Variants in FSHR observed in about 807,000 individuals in gnomAD.
FSHR encodes follicle stimulating hormone receptor.
FSHR carries 46 observed loss-of-function variants against 52.1 expected under a neutral mutation model. The ratio of observed to expected loss-of-function variants is 0.88; its 90% CI spans 0.70 to 1.13. The LOEUF is 1.13. FSHR is among the 50% of genes most tolerant of loss of function. The pLI is 0.00. For missense variants in FSHR, 964 were observed against 834.6 expected, an observed-to-expected ratio of 1.16 and a Z score of -1.91; for synonymous variants, 399 against 309.6, an observed-to-expected ratio of 1.29 and a Z score of -3.03.
intron 2 of FSHR, among the ~76,000 whole-genome samples, chr2:49,025,618 T>C (rs942631837): frequency 6.6e-5 from 10 of 152,164 alleles, no homozygotes; most frequent in African/African-American, 2.4e-4. Context: ...GAAAATTTCA[T>C]AAAACTCTCT....
At chr2:49,133,179 T>A (rs934090611) in intron 1 of FSHR, among the ~76,000 whole-genome samples, 3 of 152,120 alleles carry the variant, frequency 2.0e-5, no homozygotes, top group African/African-American at 7.2e-5. Context: ...TTATCCCAGC[T>A]GCCCGTTGCT....
intron 4 of FSHR, among the ~76,000 whole-genome samples, chr2:49,005,244 A>G (rs966884419): frequency 6.6e-6 from 1 of 152,146 alleles, no homozygotes; most frequent in Admixed American, 6.5e-5. Flanking sequence ...TTTACAATCA[A>G]GAGGTGGTCC....
chr2:49,128,861 A>G (rs553559720), intron 1 of FSHR, among the ~76,000 whole-genome samples: 2 of 152,270 alleles, frequency 1.3e-5, no homozygotes, highest in East Asian at 3.9e-4. Flanking sequence ...AATAGAACTG[A>G]TATCAGAAGA....
intron 8 of FSHR, among the ~76,000 whole-genome samples, chr2:48,974,828 C>T (rs1201348700): frequency 6.6e-6 from 1 of 152,110 alleles, no homozygotes; most frequent in Non-Finnish European, 1.5e-5. Flanking sequence ...AGTATATTCC[C>T]TTTTTTGCTC....
At chr2:49,142,261 C>T (rs1003127581) in intron 1 of FSHR, among the ~76,000 whole-genome samples, 2 of 152,058 alleles carry the variant, frequency 1.3e-5, no homozygotes, top group African/African-American at 4.8e-5. Flanking sequence ...AGTTTATGTG[C>T]TATTATAGTG....
Position 49,017,469 on chromosome 2 carries a change from C to A in FSHR, c.374+20G>T, listed in dbSNP as rs554447061. 21 of 1,588,126 alleles carry A rather than the reference C, an allele frequency of 1.3e-5. No individual in the cohort carries two copies. The highest frequency in any genetic ancestry group is 1.0e-4 in the Admixed American group (6 of 59,860). On this transcript the variant is annotated intron_variant, in intron 4 of 9. Coordinates refer to ENST00000406846, the MANE Select transcript of FSHR (RefSeq NM_000145.4). Reference sequence around the variant, plus strand: ...CACTATTTAATCATAGTGGGGGTACCAAACTACATGAGTTCTTACAGATAT... The same window carrying A: ...CACTATTTAATCATAGTGGGGGTACAAAACTACATGAGTTCTTACAGATAT...
At chr2:49,059,476 G>GTATCTA (rs1288307992) in intron 2 of FSHR, 13 of 151,934 alleles carry the variant, frequency 8.6e-5, no homozygotes, top group Non-Finnish European at 7.4e-5. Context: ...ATTAATGCAC[G>GTATCTA]TATCTATAGC....
Position 49,006,798 on chromosome 2 carries a change from T to A in FSHR, c.374+10691A>T, listed in dbSNP as rs367887734. 2.8e-4 allele frequency among the ~76,000 whole-genome samples: 42 copies of A among 152,258 alleles called. No homozygotes were observed. In the South Asian group the frequency reaches 8.5e-3, roughly 31 times the overall value. Reference sequence around the variant, plus strand: ...TTGAAGTGAGAGCTGTCCATCGATATCTCCTATATCTCACACAAGCCATCC... The same window carrying A: ...TTGAAGTGAGAGCTGTCCATCGATAACTCCTATATCTCACACAAGCCATCC... On this transcript the variant is annotated intron_variant, in intron 4 of 9. Transcript: ENST00000406846.
intron 1 of FSHR, among the ~76,000 whole-genome samples, chr2:49,134,808 C>T (rs968944118): frequency 6.6e-6 from 1 of 152,138 alleles, no homozygotes; most frequent in East Asian, 1.9e-4. Context: ...AGTAAACTAT[C>T]GCAAGAACAA....
chr2:49,067,530 C>T (rs761266014), intron 2 of FSHR, among the ~76,000 whole-genome samples: 1 of 152,022 alleles, frequency 6.6e-6, no homozygotes, highest in Non-Finnish European at 1.5e-5. Flanking sequence ...GAACATATTT[C>T]CCTGGCCCTG....
chr2:48,990,771 G>T (rs1029217213), intron 4 of FSHR, 134 bp from the exon 5 acceptor site: 24 of 696,158 alleles, frequency 3.4e-5, no homozygotes, highest in Non-Finnish European at 6.2e-5. Context: ...CCGTATATAC[G>T]TGAATTAGGC....
At chr2:49,123,348 A>G (rs1671885416) in intron 1 of FSHR, among the ~76,000 whole-genome samples, 2 of 152,108 alleles carry the variant, frequency 1.3e-5, no homozygotes, top group Admixed American at 6.5e-5. Context: ...TTAGCCAGGC[A>G]CGGTGGCTCA....
intron 2 of FSHR, 27 bp downstream of exon 2, chr2:49,068,192 T>A (rs760757145): frequency 1.3e-6 from 2 of 1,580,436 alleles, no homozygotes; most frequent in South Asian, 1.1e-5. Context: ...CTTGAGGCAT[T>A]CACTCACAGC....
chr2:49,152,561 C>T (rs893979627), intron 1 of FSHR, among the ~76,000 whole-genome samples: 1 of 151,650 alleles, frequency 6.6e-6, no homozygotes, highest in Non-Finnish European at 1.5e-5. Flanking sequence ...GTTTTCTCTG[C>T]AGAATGAAAA....
At chr2:49,029,334 A>C (rs1668021833) in intron 2 of FSHR, among the ~76,000 whole-genome samples, 2 of 152,184 alleles carry the variant, frequency 1.3e-5, no homozygotes, top group African/African-American at 4.8e-5. Flanking sequence ...AACAACAACA[A>C]AACTTGGCAT....
intron 1 of FSHR, among the ~76,000 whole-genome samples, chr2:49,094,368 G>C (rs190736083): frequency 1.1e-3 from 164 of 152,230 alleles, no homozygotes; most frequent in Middle Eastern, 3.4e-3. Flanking sequence ...TAATTTAAGA[G>C]GGGAGAAGAA....
chr2:49,037,435 C>T (rs1403229562), intron 2 of FSHR, among the ~76,000 whole-genome samples: 1 of 152,062 alleles, frequency 6.6e-6, no homozygotes, highest in East Asian at 1.9e-4. Flanking sequence ...ACATTAGAAA[C>T]CATAAAAGGA....
At chr2:49,080,448 T>C (rs1001338563) in intron 1 of FSHR, among the ~76,000 whole-genome samples, 1 of 152,082 alleles carries the variant, frequency 6.6e-6, no homozygotes, top group African/African-American at 2.4e-5. Context: ...TACCCTCAAG[T>C]ATGAACATAA....
chr2:48,964,262 T>C (rs150069890), intron 9 of FSHR, among the ~76,000 whole-genome samples: 49 of 152,122 alleles, frequency 3.2e-4, no homozygotes, highest in African/African-American at 1.1e-3. Flanking sequence ...TAAGTGAAAA[T>C]AATTTACAGA....
Sources: allele counts gnomAD v4.1 joint callset (sites outside exome capture counted in the v4.1 genomes callset), GRCh38; gene constraint gnomAD v4.1.1; transcripts MANE v1.5; gene names NCBI Gene and HGNC (gene_info 2026-07-23, HGNC 2026-07-21).